Variants in FKBP9 observed in about 807,000 individuals in gnomAD.
The protein encoded by FKBP9 is FKBP prolyl isomerase 9.
FKBP9 carries 27 observed loss-of-function variants against 55.6 expected under a neutral mutation model. That is an observed-to-expected ratio of 0.49 (90% confidence interval 0.36 to 0.67). FKBP9 has a LOEUF of 0.67. Among genes scored for constraint, FKBP9 ranks in the 30% least tolerant of loss-of-function variants. The probability of loss-of-function intolerance (pLI) is 0.00; values close to 1 mark genes in which losing one functional copy is unlikely to be tolerated. For synonymous variants in FKBP9, 267 were observed against 296.5 expected (o/e 0.90, Z 1.02); for missense variants, 539 against 742.8 (o/e 0.73, Z 3.19).
intron 1 of FKBP9, among the ~76,000 whole-genome samples, chr7:32,963,080 C>T (rs184393240): frequency 1.8e-4 from 27 of 152,312 alleles, no homozygotes; most frequent in Admixed American, 1.5e-3. Context: ...TTGCTGAAGC[C>T]ATATGAAAGG....
intron 4 of FKBP9, chr7:32,979,637 G>A: frequency 8.0e-7 from 1 of 1,254,794 alleles, no homozygotes; most frequent in South Asian, 1.3e-5. Flanking sequence ...CAAATTACTG[G>A]ATTTTGAGTT....
intron 1 of FKBP9, among the ~76,000 whole-genome samples, chr7:32,965,864 T>TGCAC (rs1562563058): frequency 7.2e-5 from 3 of 41,808 alleles, no homozygotes; most frequent in African/African-American, 3.8e-4. Flanking sequence ...GATATATATA[T>TGCAC]ATACATACAT....
At chr7:32,993,352 A>G (rs558524393) in intron 6 of FKBP9, among the ~76,000 whole-genome samples, 1 of 152,150 alleles carries the variant, frequency 6.6e-6, no homozygotes, top group South Asian at 2.1e-4. Flanking sequence ...AACCCATTAC[A>G]CAATAACTCC....
intron 9 of FKBP9, among the ~76,000 whole-genome samples, chr7:33,003,229 A>G (rs559344662): frequency 1.5e-4 from 22 of 151,436 alleles, no homozygotes; most frequent in African/African-American, 5.2e-4. Context: ...ACATCTACTC[A>G]GTTGTTTGAG....
At chr7:32,997,503 C>T (rs912261851) in intron 7 of FKBP9, among the ~76,000 whole-genome samples, 4 of 152,298 alleles carry the variant, frequency 2.6e-5, no homozygotes, top group South Asian at 2.1e-4. Flanking sequence ...AGATTTGAGC[C>T]GTCATGCCCA....
chr7:32,975,839 G>T (rs1314823998), intron 3 of FKBP9, among the ~76,000 whole-genome samples: 1 of 152,028 alleles, frequency 6.6e-6, no homozygotes, highest in East Asian at 1.9e-4. Flanking sequence ...ATAGAGACGG[G>T]GTTTCAGCAT....
rs528265138 is a variant in FKBP9 at position 32,999,475 on chromosome 7, C to CTT, written c.1227-625_1227-624dup. Among the ~76,000 whole-genome samples the CTT allele has an allele frequency of 3.1e-3, 399 of 128,442 alleles. 5 individuals are homozygous for CTT. Among genetic ancestry groups the CTT allele is most frequent in the African/African-American group, 0.01 (361 of 35,526 alleles). The allele number at this position is 128,442 out of a possible 152,430, so 84.3% of individuals were successfully genotyped here. On this transcript the variant is annotated intron_variant, in intron 7 of 9. Transcript: ENST00000242209. ...CAAGGATAATTAAACTCTTGGTGGTCTTTTTTTTTTTTTTTTAGTCTTAGA... is the reference window on the plus strand; with the variant it reads ...CAAGGATAATTAAACTCTTGGTGGTCTTTTTTTTTTTTTTTTTTAGTCTTAGA...
At chr7:32,992,864 C>A in intron 6 of FKBP9, 1 of 230,328 alleles carries the variant, frequency 4.3e-6, no homozygotes, top group Non-Finnish European at 8.6e-6. Flanking sequence ...TTGTTGACGC[C>A]CTCAATAATG....
chr7:32,963,119 GGCCTTGA>G (rs1238613868), intron 1 of FKBP9, among the ~76,000 whole-genome samples: 1 of 152,192 alleles, frequency 6.6e-6, no homozygotes, highest in African/African-American at 2.4e-5. Context: ...GCTTGAGTTG[GGCCTTGA>G]GCATGGATGG....
rs1401940884 is a variant in FKBP9, at chr7:32,974,657, G to A, written c.262G>A (p.Gly88Arg). The A allele has an allele frequency of 5.0e-6, 8 of 1,613,946 alleles. No individual in the cohort carries two copies. Among genetic ancestry groups the A allele is most frequent in the Non-Finnish European group, 5.9e-6 (7 of 1,179,842 alleles). Residue 88 changes from glycine (G) to arginine (R), a missense_variant, in exon 2 of 10, where the codon GGA becomes AGA. Transcript: ENST00000242209. ...CACTTTCAATGTGTTTGTGGGAAAA[G>A]GACAGCTGATCACAGGGATGGACCA... ...DSTFNVFVGK[G>R]QLITGMDQAL... is the part of the protein sequence containing the mutation.
intron 1 of FKBP9, among the ~76,000 whole-genome samples, chr7:32,968,575 C>CT (rs571695241): frequency 0.067 from 9,583 of 142,468 alleles, 495 homozygotes; most frequent in East Asian, 0.19. Context: ...CTTTTTCTTT[C>CT]TTTTTTTTTT....
chr7:32,962,600 A>G lies in FKBP9; in HGVS notation c.221+4806A>G, dbSNP rs867972155. On this transcript the variant is annotated intron_variant, in intron 1 of 9. Transcript: ENST00000242209. ...GCAATTCTTGTGCCTCAGCCCCCTG[A>G]GTAGCTGGGATTACAGGTGTGCAAC... Among the ~76,000 whole-genome samples, 4 of 151,812 alleles carry G rather than the reference A, an allele frequency of 2.6e-5. 1 individual carries two copies. The Middle Eastern group carries it at 0.014, about 520-fold the overall frequency.
Position 32,957,756 on chromosome 7 carries a change from C to A in FKBP9, c.183C>A (p.Tyr61Ter). 6.7e-7 allele frequency: 1 copy of A among 1,491,808 alleles called. No homozygotes were observed. 92.4% of individuals were successfully genotyped at this position (1,491,808 alleles called of 1,614,324 possible). A position where few individuals can be genotyped will look rare whatever the true frequency, so the allele number is the denominator to read the frequency against. Residue 61 changes from tyrosine (Y) to a stop codon, truncating the protein, a stop_gained, in exon 1 of 10, where the codon TAC becomes TAA. Coordinates refer to ENST00000242209, the MANE Select transcript of FKBP9 (RefSeq NM_007270.5). LOFTEE classifies it high-confidence loss of function. ...VRSGDFVRYH[Y>*]VGTFPDGQKF... Reference sequence around the variant, plus strand: ...GCGGCGACTTCGTGCGCTACCACTACGTGGGGACGTTCCCCGACGGCCAGA... The same window carrying A: ...GCGGCGACTTCGTGCGCTACCACTAAGTGGGGACGTTCCCCGACGGCCAGA...
chr7:32,981,420 G>A (rs181029619), intron 5 of FKBP9, among the ~76,000 whole-genome samples: 59 of 152,238 alleles, frequency 3.9e-4, no homozygotes, highest in Middle Eastern at 6.8e-3. Flanking sequence ...TTGTTTATCA[G>A]CCATGGCCTG....
chr7:32,993,540 T>C (rs1337049799), intron 6 of FKBP9, among the ~76,000 whole-genome samples: 3 of 152,164 alleles, frequency 2.0e-5, no homozygotes, highest in African/African-American at 2.4e-5. Context: ...TATCAAAATT[T>C]CAAGCTGGGC....
chr7:32,978,585 T>C (rs1484334796), intron 4 of FKBP9, among the ~76,000 whole-genome samples: 1 of 152,004 alleles, frequency 6.6e-6, no homozygotes, highest in Non-Finnish European at 1.5e-5. Context: ...CTGGAAATCC[T>C]GGACTCAAGC....
intron 1 of FKBP9, among the ~76,000 whole-genome samples, chr7:32,962,310 C>T (rs1784042291): frequency 6.6e-6 from 1 of 152,140 alleles, no homozygotes; most frequent in Admixed American, 6.5e-5. Context: ...AGGAGAATCG[C>T]TTGAACCTGG....
intron 8 of FKBP9, among the ~76,000 whole-genome samples, chr7:33,001,422 C>T (rs1384227440): frequency 5.9e-5 from 9 of 152,050 alleles, no homozygotes; most frequent in African/African-American, 1.9e-4. Context: ...ATAATCCCAG[C>T]TACTTGGGAG....
chr7:32,979,823 T>G (rs1487586183), intron 4 of FKBP9, among the ~76,000 whole-genome samples: 1 of 152,140 alleles, frequency 6.6e-6, no homozygotes, highest in African/African-American at 2.4e-5. Context: ...TATTTTGGAT[T>G]GTGGGTGCCA....
Sources: allele counts gnomAD v4.1 joint callset (sites outside exome capture counted in the v4.1 genomes callset), GRCh38; gene constraint gnomAD v4.1.1; transcripts MANE v1.5; gene names NCBI Gene and HGNC (gene_info 2026-07-23, HGNC 2026-07-21).